SCLY: variants seen among roughly 807,000 people sequenced by gnomAD.
SCLY encodes the protein putative selenocysteine lyase.
Under a neutral mutation model 50.1 loss-of-function variants are expected in SCLY, and 38 were observed. The ratio of observed to expected loss-of-function variants is 0.76; its 90% CI spans 0.59 to 0.99. The LOEUF (loss-of-function observed/expected upper bound fraction) is 0.99. Ranked by LOEUF, SCLY falls within the 50% of genes least tolerant of loss-of-function variation. The probability of loss-of-function intolerance (pLI) is 0.00; values close to 1 mark genes in which losing one functional copy is unlikely to be tolerated. For synonymous variants in SCLY, 243 were observed against 249.4 expected, an observed-to-expected ratio of 0.97 and a Z score of 0.24; for missense variants, 600 against 620.0, an observed-to-expected ratio of 0.97 and a Z score of 0.34.
chr2:238,069,100 A>C lies in SCLY; in HGVS notation c.304-197A>C, dbSNP rs1226775539. Among the ~76,000 whole-genome samples the C allele has an allele frequency of 6.6e-6, 1 of 152,246 alleles. No individual in the cohort carries two copies. Among genetic ancestry groups the C allele is most frequent in the Non-Finnish European group, 1.5e-5 (1 of 68,050 alleles). On this transcript the variant is annotated intron_variant, in intron 3 of 11. Coordinates refer to ENST00000254663, the MANE Select transcript of SCLY (RefSeq NM_016510.7). The surrounding 1 kb of genome is among the most constrained non-coding windows in gnomAD (Gnocchi z 5.0). ...TAATAATATTGCTTAACTATAAAACAGACATAATTGACTGGAATCTCATGT... is the reference window on the plus strand; with the variant it reads ...TAATAATATTGCTTAACTATAAAACCGACATAATTGACTGGAATCTCATGT...
At chr2:238,093,101 A>G (rs74001551) in intron 8 of SCLY, 15,506 of 152,672 alleles carry the variant, frequency 0.1, 1,504 homozygotes, top group African/African-American at 0.25. Context: ...CCTCCTTGTC[A>G]TCGTCCCCTG....
intron 7 of SCLY, among the ~76,000 whole-genome samples, chr2:238,085,153 A>G (rs184782781): frequency 2.0e-5 from 3 of 152,352 alleles, no homozygotes; most frequent in African/African-American, 7.2e-5. Context: ...TGATGTTAAA[A>G]TTATCTAACA....
chr2:238,069,447 C>T lies in SCLY; in HGVS notation c.454C>T (p.Leu152=). 1 of 1,613,216 alleles carries T rather than the reference C, an allele frequency of 6.2e-7. No individual in the cohort carries two copies. Among genetic ancestry groups the T allele is most frequent in the Non-Finnish European group, 8.5e-7 (1 of 1,179,582 alleles). ...SVEHDSIRLP[L]EHLVEEQVAA... ...GGAACACGACTCCATCCGGCTGCCC[C>T]TGGAGCACCTGGTGGAAGAACAAGT... Residue 152 remains leucine (L), a synonymous_variant, in exon 4 of 12, where the codon CTG becomes TTG. Transcript: ENST00000254663. The surrounding 1 kb of genome is among the most constrained non-coding windows in gnomAD (Gnocchi z 5.0).
In SCLY at chr2:238,083,359, G is replaced by A. The variant is rs760438894; in HGVS notation, c.884+5G>A. 4 of 1,588,420 alleles carry A rather than the reference G, an allele frequency of 2.5e-6. No individual in the cohort carries two copies. In the South Asian group the frequency reaches 4.4e-5, roughly 18 times the overall value. On this transcript the variant is annotated splice_donor_5th_base_variant and intron_variant, in intron 7 of 11. Transcript: ENST00000254663. This position sits in a 1 kb window ranked among gnomAD's most constrained non-coding sequence, Gnocchi z 4.3. ...AGAACGGAATTTCAGGCCAGGGTAA[G>A]GCAGAAAGTTAACAAAGTCTCTGAC...
chr2:238,061,371 G>C (rs746579044), intron 1 of SCLY: 7 of 688,796 alleles, frequency 1.0e-5, no homozygotes, highest in Non-Finnish European at 1.9e-5. Flanking sequence ...GCCGAAACCC[G>C]AGTGACTTCC....
At chr2:238,068,475 G>A (rs1273591361) in intron 3 of SCLY, among the ~76,000 whole-genome samples, 1 of 152,112 alleles carries the variant, frequency 6.6e-6, no homozygotes, top group Non-Finnish European at 1.5e-5. Context: ...TTTGAACCCA[G>A]GAATTCAAGG....
chr2:238,078,686 C>A (rs1332410032), intron 4 of SCLY: 10 of 149,878 alleles, frequency 6.7e-5, no homozygotes, highest in Admixed American at 4.6e-4. Context: ...TGCATTGTTA[C>A]AAATATCTTT....
At position 238,091,272 on chromosome 2, in the gene SCLY, T is replaced by G; in HGVS notation, c.921+18T>G. The G allele has an allele frequency of 6.2e-7, 1 of 1,608,962 alleles. No homozygotes were observed. The highest frequency in any genetic ancestry group is 8.5e-7 in the Non-Finnish European group (1 of 1,175,386). The stretch of plus-strand genomic sequence containing the variant: ...TTGGGAAGGTGAGCCCTGGTGAGCT[T>G]GAGGAGATGAGTTGATTGCTTTGTC... On this transcript the variant is annotated intron_variant, in intron 8 of 11. Coordinates refer to ENST00000254663, the MANE Select transcript of SCLY (RefSeq NM_016510.7).
At chr2:238,094,219 G>T (rs747336932) in intron 9 of SCLY, 17 of 615,702 alleles carry the variant, frequency 2.8e-5, no homozygotes, top group East Asian at 1.1e-4. Flanking sequence ...TATGTGGAAG[G>T]TTCATATGTT....
At chr2:238,070,922 C>T (rs2065121349) in intron 4 of SCLY, among the ~76,000 whole-genome samples, 1 of 151,834 alleles carries the variant, frequency 6.6e-6, no homozygotes, top group Non-Finnish European at 1.5e-5. Context: ...GCCCCTGCCT[C>T]CCAGGTTCAA....
Position 238,098,285 on chromosome 2 carries a change from C to T in SCLY, c.1268C>T (p.Thr423Ile). ...CGGCTCAGCGTGGGCCGCAGCACCA[C>T]CAGGGCCGAGGTGGACCTCGTCGTG... Reference protein sequence around the residue: ...ALRLSVGRSTTRAEVDLVVQD... With the variant: ...ALRLSVGRSTIRAEVDLVVQD... The change falls in exon 12 of 12, where the codon ACC becomes ATC. Residue 423 changes from threonine to isoleucine, a missense_variant. Coordinates refer to ENST00000254663, the MANE Select transcript of SCLY (RefSeq NM_016510.7). The T allele has an allele frequency of 1.2e-6, 2 of 1,609,896 alleles. No homozygotes were observed. Among genetic ancestry groups the T allele is most frequent in the South Asian group, 2.2e-5 (2 of 91,022 alleles).
At chr2:238,094,728 C>A in intron 10 of SCLY, 1 of 545,334 alleles carries the variant, frequency 1.8e-6, no homozygotes, top group Non-Finnish European at 3.2e-6. Flanking sequence ...CCTCCTCTCC[C>A]TGACGTGGCT....
intron 8 of SCLY, chr2:238,091,621 C>G (rs981978652): frequency 2.8e-5 from 7 of 249,330 alleles, no homozygotes; most frequent in African/African-American, 1.6e-4. Context: ...GGTGGCCAAT[C>G]CAGCACCTGC....
Position 238,069,526 on chromosome 2 carries a change from G to A in SCLY, c.484+49G>A, listed in dbSNP as rs1389199116. ...GGGACCAGCCTGCTGAGCTCCAGCT[G>A]CGAGGCGGGAAGTGGCCTGCGAGCA... On this transcript the variant is annotated intron_variant, in intron 4 of 11. Coordinates refer to ENST00000254663, the MANE Select transcript of SCLY (RefSeq NM_016510.7). This position sits in a 1 kb window ranked among gnomAD's most constrained non-coding sequence, Gnocchi z 5.0. 3.3e-6 allele frequency: 5 copies of A among 1,525,036 alleles called. No homozygotes were observed. In the African/African-American group the frequency reaches 7.0e-5, roughly 21 times the overall value. 94.5% of individuals were successfully genotyped at this position (1,525,036 alleles called of 1,614,324 possible).
chr2:238,098,241 C>G lies in SCLY; in HGVS notation c.1224C>G (p.Asp408Glu). The G allele has an allele frequency of 3.1e-6, 5 of 1,610,998 alleles. No individual in the cohort carries two copies. Among genetic ancestry groups the G allele is most frequent in the Non-Finnish European group, 4.2e-6 (5 of 1,179,596 alleles). The change falls in exon 12 of 12, where the codon GAC becomes GAG. Residue 408 changes from aspartate (D) to glutamate (E), a missense_variant. Coordinates refer to ENST00000254663, the MANE Select transcript of SCLY (RefSeq NM_016510.7). Reference protein sequence around the residue: ...PVLLSYGVPFDVARNALRLSV... With the variant: ...PVLLSYGVPFEVARNALRLSV... ...TGCTGAGCTACGGTGTCCCCTTCGA[C>G]GTGGCCAGGAACGCGCTCCGGCTCA...
rs1576658733 is a variant in SCLY, at chr2:238,062,308, T to A, written c.89+1165T>A. 2.0e-5 allele frequency among the ~76,000 whole-genome samples: 3 copies of A among 152,076 alleles called. No homozygotes were observed. The South Asian group carries it at 6.2e-4, about 32-fold the overall frequency. On this transcript the variant is annotated intron_variant, in intron 1 of 11. Coordinates refer to ENST00000254663, the MANE Select transcript of SCLY (RefSeq NM_016510.7). ...AACAGATATAAGGGCACATGCAAAG[T>A]CAAGCCGGGCTGGGGGATTCCTAGG...
At position 238,069,209 on chromosome 2, in the gene SCLY, A is replaced by G. The variant is rs2065103973; in HGVS notation, c.304-88A>G. On this transcript the variant is annotated intron_variant, in intron 3 of 11. Transcript: ENST00000254663. The surrounding 1 kb of genome is among the most constrained non-coding windows in gnomAD (Gnocchi z 5.0). Reference sequence around the variant, plus strand: ...CTTTGAAGCTTTTTTGATGTTAGCCACAAAAGAAATTAAGTAACAGAAATT... The same window carrying G: ...CTTTGAAGCTTTTTTGATGTTAGCCGCAAAAGAAATTAAGTAACAGAAATT... The G allele has an allele frequency of 4.8e-6, 6 of 1,237,284 alleles. No individual in the cohort carries two copies. Among genetic ancestry groups the G allele is most frequent in the Non-Finnish European group, 6.7e-6 (6 of 894,908 alleles). The allele number at this position is 1,237,284 out of a possible 1,614,324, so 76.6% of individuals were successfully genotyped here.
intron 6 of SCLY, chr2:238,082,916 CTTTCT>C (rs2065252946): frequency 9.7e-6 from 3 of 308,500 alleles, no homozygotes; most frequent in Admixed American, 8.9e-5. Context: ...TATGCATTCT[CTTTCT>C]TTTTTTTTTT....
At chr2:238,093,824 A>G (rs1248083407) in intron 8 of SCLY, 37 bp from the exon 9 acceptor site, 2 of 1,585,888 alleles carry the variant, frequency 1.3e-6, no homozygotes, top group Non-Finnish European at 1.7e-6. Flanking sequence ...TTATTTTGCA[A>G]GAATTGTGCA....
Sources: gnomAD v4.1 joint callset for allele counts (sites outside exome capture counted in the v4.1 genomes callset) on GRCh38, gnomAD v4.1.1 for gene constraint, Gnocchi (gnomAD v3.1) non-coding constraint, MANE v1.5 for transcripts, NCBI Gene and HGNC (gene_info 2026-07-23, HGNC 2026-07-21) for gene names.